FAM124A: variants seen among roughly 807,000 people sequenced by gnomAD.
FAM124A encodes family with sequence similarity 124 member A, also known as protein FAM124A.
A neutral mutation model predicts 24.5 loss-of-function variants in FAM124A; 23 were observed. That is an observed-to-expected ratio of 0.94 (90% confidence interval 0.68 to 1.33). The LOEUF is 1.33. FAM124A is among the 40% of genes most tolerant of loss of function. The pLI, the probability that FAM124A is intolerant of heterozygous loss-of-function variation, is 0.00. For missense variants in FAM124A, 623 were observed against 722.8 expected (o/e 0.86, Z 1.58); for synonymous variants, 287 against 314.7 (o/e 0.91, Z 0.93).
intron 3 of FAM124A, among the ~76,000 whole-genome samples, chr13:51,275,597 G>A (rs1281656906): frequency 6.6e-6 from 1 of 150,460 alleles, no homozygotes. Flanking sequence ...TAAAAGCAAT[G>A]CCTAAATAGC....
At chr13:51,246,778 TG>T (rs975092765) in intron 2 of FAM124A, among the ~76,000 whole-genome samples, 29 of 152,240 alleles carry the variant, frequency 1.9e-4, no homozygotes, top group African/African-American at 7.0e-4. Context: ...GACTTCAGCA[TG>T]GTCTTTGTTA....
chr13:51,255,738 AG>A (rs149905126), intron 3 of FAM124A, among the ~76,000 whole-genome samples: 16,271 of 144,228 alleles, frequency 0.11, 1,238 homozygotes, highest in African/African-American at 0.23. Flanking sequence ...CAGTGAGGCC[AG>A]GTATGCCCAG....
At chr13:51,245,170 C>A in intron 2 of FAM124A, 1 of 419,390 alleles carries the variant, frequency 2.4e-6, no homozygotes, top group African/African-American at 2.1e-5. Flanking sequence ...GAGGTGGTGT[C>A]TGATTTACAT....
chr13:51,277,820 T>G (rs774786809), intron 3 of FAM124A, among the ~76,000 whole-genome samples: 2 of 104,260 alleles, frequency 1.9e-5, no homozygotes, highest in Non-Finnish European at 3.6e-5. Flanking sequence ...ATTCTATCCA[T>G]GTGCCAGGGT....
chr13:51,237,391 T>G (rs1489825877), intron 2 of FAM124A, among the ~76,000 whole-genome samples: 1 of 152,082 alleles, frequency 6.6e-6, no homozygotes, highest in Non-Finnish European at 1.5e-5. Context: ...TACTTGAGCA[T>G]GCAACTTCCA....
intron 3 of FAM124A, among the ~76,000 whole-genome samples, chr13:51,275,850 C>T (rs1340196314): frequency 6.6e-6 from 1 of 152,206 alleles, no homozygotes; most frequent in Non-Finnish European, 1.5e-5. Context: ...TGCTGTGGCC[C>T]AGCATTTCCA....
intron 3 of FAM124A, among the ~76,000 whole-genome samples, chr13:51,276,407 G>A (rs968662602): frequency 1.3e-5 from 2 of 152,196 alleles, no homozygotes; most frequent in Non-Finnish European, 2.9e-5. Flanking sequence ...CCATAATAGC[G>A]ACAGGAAGAG....
intron 3 of FAM124A, among the ~76,000 whole-genome samples, chr13:51,259,900 G>A (rs142537335): frequency 2.6e-5 from 4 of 152,358 alleles, no homozygotes; most frequent in African/African-American, 9.6e-5. Context: ...AGGGAGGGAA[G>A]GTGGTGAAGA....
chr13:51,259,052 A>G (rs1024070002), intron 3 of FAM124A, among the ~76,000 whole-genome samples: 1 of 152,122 alleles, frequency 6.6e-6, no homozygotes, highest in Non-Finnish European at 1.5e-5. Context: ...GTGAGACACT[A>G]ACTCAGGAAC....
intron 3 of FAM124A, among the ~76,000 whole-genome samples, chr13:51,275,298 A>G (rs1336919345): frequency 6.6e-6 from 1 of 152,184 alleles, no homozygotes; most frequent in East Asian, 1.9e-4. Context: ...GGATCACATG[A>G]GCCCAGGAGT....
chr13:51,283,626 C>T lies in FAM124A; in HGVS notation c.*2370C>T, dbSNP rs1566178840. 6.6e-6 allele frequency: 1 copy of T among 151,900 alleles called. No individual in the cohort carries two copies. Among genetic ancestry groups the T allele is most frequent in the African/African-American group, 2.4e-5 (1 of 41,316 alleles). The allele number at this position is 151,900 out of a possible 1,614,324, so 9.4% of individuals were successfully genotyped here. A position where few individuals can be genotyped will look rare whatever the true frequency, so the allele number is the denominator to read the frequency against. ...AAGCCACCAGCACTCCACCTTCTGCCCAGAAATGTGATTCAGTCAATAGCT... is the reference window on the plus strand; with the variant it reads ...AAGCCACCAGCACTCCACCTTCTGCTCAGAAATGTGATTCAGTCAATAGCT... On this transcript the variant is annotated 3_prime_UTR_variant, in exon 4 of 4. Coordinates refer to ENST00000322475, the MANE Select transcript of FAM124A (RefSeq NM_001242312.2).
chr13:51,240,320 G>A (rs1323464977), intron 2 of FAM124A, among the ~76,000 whole-genome samples: 1 of 152,166 alleles, frequency 6.6e-6, no homozygotes, highest in Non-Finnish European at 1.5e-5. Context: ...TGTTCCACAT[G>A]CTCTCACTCC....
intron 3 of FAM124A, among the ~76,000 whole-genome samples, chr13:51,277,470 C>A (rs978455696): frequency 6.6e-6 from 1 of 152,186 alleles, no homozygotes; most frequent in Non-Finnish European, 1.5e-5. Flanking sequence ...TGCACTTGTA[C>A]TCCCTAAATC....
chr13:51,247,238 CT>C (rs1954573636), intron 2 of FAM124A, among the ~76,000 whole-genome samples: 2 of 152,218 alleles, frequency 1.3e-5, no homozygotes, highest in African/African-American at 4.8e-5. Flanking sequence ...CAGCTGGCCA[CT>C]CTGCTGTGAA....
At chr13:51,270,651 A>G (rs774956976) in intron 3 of FAM124A, among the ~76,000 whole-genome samples, 7 of 152,260 alleles carry the variant, frequency 4.6e-5, no homozygotes, top group Non-Finnish European at 1.0e-4. Flanking sequence ...GCTAATCTCA[A>G]CAATCAACAT....
chr13:51,237,652 G>A (rs1322790408), intron 2 of FAM124A, among the ~76,000 whole-genome samples: 3 of 152,186 alleles, frequency 2.0e-5, no homozygotes, highest in East Asian at 3.9e-4. Context: ...AGAAACCACT[G>A]AAATGCTGTA....
intron 1 of FAM124A, among the ~76,000 whole-genome samples, chr13:51,227,819 C>T (rs971015330): frequency 2.0e-5 from 3 of 152,188 alleles, no homozygotes; most frequent in African/African-American, 7.2e-5. Flanking sequence ...TAGGGCCATA[C>T]CATGCCCTGT....
intron 2 of FAM124A, among the ~76,000 whole-genome samples, chr13:51,239,993 G>A (rs1016343222): frequency 4.6e-5 from 7 of 152,104 alleles, no homozygotes; most frequent in Non-Finnish European, 2.9e-5. Flanking sequence ...CTCCAGCCTC[G>A]GACTACAGTA....
At chr13:51,222,708 C>T in intron 1 of FAM124A, 139 bp downstream of exon 1, 1 of 875,464 alleles carries the variant, frequency 1.1e-6, no homozygotes, top group Non-Finnish European at 1.5e-6. Context: ...CCCCCGCTCT[C>T]TCCTGGGCGG....
Sources: allele counts gnomAD v4.1 joint callset (sites outside exome capture counted in the v4.1 genomes callset), GRCh38; gene constraint gnomAD v4.1.1; transcripts MANE v1.5; gene names NCBI Gene and HGNC (gene_info 2026-07-23, HGNC 2026-07-21).